The following CDH9 variants were observed in gnomAD, a reference collection of about 807,000 sequenced individuals.
CDH9 encodes the protein cadherin-9.
CDH9 carries 28 observed loss-of-function variants against 70.9 expected under a neutral mutation model. The observed-to-expected ratio is 0.40, with a 90% confidence interval of 0.29 to 0.54. CDH9 has a LOEUF of 0.54. Ranked by LOEUF, CDH9 falls within the 20% of genes least tolerant of loss-of-function variation. The pLI is 0.59. For synonymous variants in CDH9, 409 were observed against 343.1 expected (o/e 1.19, Z -2.12); for missense variants, 874 against 984.4 (o/e 0.89, Z 1.50).
chr5:26,954,408 A>C (rs1210768784), intron 2 of CDH9, among the ~76,000 whole-genome samples: 1 of 1,986 alleles, frequency 5.0e-4, no homozygotes, highest in South Asian at 0.026. Flanking sequence ...TTTTTGAGAC[A>C]TAGTCTCGCT....
At chr5:26,911,171 T>C (rs1741046587) in intron 3 of CDH9, among the ~76,000 whole-genome samples, 1 of 152,182 alleles carries the variant, frequency 6.6e-6, no homozygotes, top group Admixed American at 6.6e-5. Context: ...GACATAGTTC[T>C]CAGCACCTGA....
intron 2 of CDH9, among the ~76,000 whole-genome samples, chr5:26,954,524 A>G (rs925352390): frequency 1.3e-5 from 2 of 150,952 alleles, no homozygotes; most frequent in African/African-American, 4.9e-5. Context: ...AGCTGGCACT[A>G]CAGGTGCCCG....
At chr5:27,003,195 G>T (rs1742801790) in intron 1 of CDH9, among the ~76,000 whole-genome samples, 1 of 152,090 alleles carries the variant, frequency 6.6e-6, no homozygotes, top group African/African-American at 2.4e-5. Flanking sequence ...GTTTTGAATT[G>T]TGGAGCATTT....
intron 1 of CDH9, among the ~76,000 whole-genome samples, chr5:26,998,645 G>A (rs1425933681): frequency 6.6e-6 from 1 of 152,006 alleles, no homozygotes; most frequent in Non-Finnish European, 1.5e-5. Context: ...ATGAGTTACT[G>A]GGTGCAGCAC....
chr5:27,013,872 G>C (rs543761534), intron 1 of CDH9, among the ~76,000 whole-genome samples: 1 of 151,998 alleles, frequency 6.6e-6, no homozygotes, highest in African/African-American at 2.4e-5. Context: ...CATACAAAAT[G>C]AAAATTCAGA....
At chr5:26,984,818 C>T (rs1488024788) in intron 2 of CDH9, among the ~76,000 whole-genome samples, 2 of 152,090 alleles carry the variant, frequency 1.3e-5, no homozygotes, top group Non-Finnish European at 2.9e-5. Context: ...TTGTAAATCT[C>T]TGATAGTTTC....
chr5:26,952,901 C>A (rs1324226927), intron 2 of CDH9, among the ~76,000 whole-genome samples: 75 of 105,256 alleles, frequency 7.1e-4, no homozygotes, highest in African/African-American at 1.9e-3. Context: ...GTTTCTATTC[C>A]AAAAAAAAAA....
intron 5 of CDH9, among the ~76,000 whole-genome samples, chr5:26,904,277 C>CT (rs1000406595): frequency 1.4e-4 from 21 of 150,784 alleles, no homozygotes; most frequent in Admixed American, 2.7e-4. Flanking sequence ...ACCAATGTTT[C>CT]TTTTTTTTGC....
chr5:26,957,625 G>C (rs1741968587), intron 2 of CDH9, among the ~76,000 whole-genome samples: 1 of 151,904 alleles, frequency 6.6e-6, no homozygotes. Flanking sequence ...TCATGCCACT[G>C]CACTCCAGCC....
chr5:26,931,352 T>C (rs887318864), intron 2 of CDH9, among the ~76,000 whole-genome samples: 1 of 152,128 alleles, frequency 6.6e-6, no homozygotes, highest in Non-Finnish European at 1.5e-5. Context: ...GATATCTTTG[T>C]AAGAGTTTTG....
intron 2 of CDH9, among the ~76,000 whole-genome samples, chr5:26,955,343 G>A (rs952697241): frequency 1.3e-5 from 2 of 152,198 alleles, no homozygotes; most frequent in African/African-American, 4.8e-5. Context: ...CAACATAAGT[G>A]TGTTATCTTG....
At chr5:26,919,240 G>T (rs1741201093) in intron 2 of CDH9, among the ~76,000 whole-genome samples, 1 of 152,164 alleles carries the variant, frequency 6.6e-6, no homozygotes, top group African/African-American at 2.4e-5. Flanking sequence ...CACATGGTGA[G>T]GAGTGAATCT....
chr5:26,935,059 A>G (rs749635514), intron 2 of CDH9, among the ~76,000 whole-genome samples: 80 of 152,196 alleles, frequency 5.3e-4, no homozygotes, highest in Non-Finnish European at 1.0e-3. Context: ...GGGTTATTCC[A>G]GGTATGCAAG....
intron 2 of CDH9, among the ~76,000 whole-genome samples, chr5:26,926,849 A>T (rs1741348354): frequency 1.3e-5 from 2 of 151,420 alleles, no homozygotes; most frequent in Admixed American, 1.3e-4. Flanking sequence ...TGGGGAAAGG[A>T]GGAAGTACTT....
chr5:26,919,837 C>T (rs1278058632), intron 2 of CDH9, among the ~76,000 whole-genome samples: 2 of 152,108 alleles, frequency 1.3e-5, no homozygotes, highest in African/African-American at 4.8e-5. Flanking sequence ...TCTGGCAGGA[C>T]TCATCATCTG....
chr5:26,978,582 C>CT (rs35408093), intron 2 of CDH9, among the ~76,000 whole-genome samples: 70,793 of 150,000 alleles, frequency 0.47, 17,455 homozygotes, highest in African/African-American at 0.51. Context: ...ACAAAAATAA[C>CT]TTTTTTTTTA....
chr5:27,033,653 A>G (rs1021736687), intron 1 of CDH9, among the ~76,000 whole-genome samples: 1 of 151,574 alleles, frequency 6.6e-6, no homozygotes, highest in Non-Finnish European at 1.5e-5. Context: ...AAACAAAAAA[A>G]CACAATTTTT....
At chr5:26,919,544 G>C (rs1436531923) in intron 2 of CDH9, among the ~76,000 whole-genome samples, 1 of 152,128 alleles carries the variant, frequency 6.6e-6, no homozygotes, top group African/African-American at 2.4e-5. Context: ...TCGGCTCAGA[G>C]CCAGTGGACT....
chr5:26,966,287 C>T (rs1187102324), intron 2 of CDH9, among the ~76,000 whole-genome samples: 2 of 152,290 alleles, frequency 1.3e-5, no homozygotes, highest in East Asian at 3.9e-4. Flanking sequence ...TTTGACTTCT[C>T]TCTCTGTCCA....
Sources: allele counts gnomAD v4.1 joint callset (sites outside exome capture counted in the v4.1 genomes callset), GRCh38; gene constraint gnomAD v4.1.1; transcripts MANE v1.5; gene names NCBI Gene and HGNC (gene_info 2026-07-23, HGNC 2026-07-21).